Variants in BMX observed in about 807,000 individuals in gnomAD.
BMX encodes the protein BMX non-receptor tyrosine kinase.
BMX carries 31 observed loss-of-function variants against 59.2 expected under a neutral mutation model. That is an observed-to-expected ratio of 0.52 (90% CI 0.39 to 0.71). The LOEUF is 0.71. Ranked by LOEUF, BMX falls within the 30% of genes least tolerant of loss-of-function variation. The probability of loss-of-function intolerance (pLI) is 0.00; values close to 1 mark genes in which losing one functional copy is unlikely to be tolerated. For missense variants in BMX, 474 were observed against 491.7 expected (o/e 0.96, Z 0.34); for synonymous variants, 185 against 181.0 (o/e 1.02, Z -0.18).
At chrX:15,543,821 G>A (rs149454247) in intron 16 of BMX, among the ~76,000 whole-genome samples, 2 of 111,455 alleles carry the variant, frequency 1.8e-5, no homozygotes, top group South Asian at 3.7e-4. Flanking sequence ...GATTACGATC[G>A]TTTTTTTAAA....
chrX:15,549,934 G>T lies in BMX; in HGVS notation c.1890G>T (p.Arg630Ser), dbSNP rs568883721. The change falls in exon 18 of 19, where the codon AGG becomes AGT. Residue 630 changes from arginine (R) to serine (S), a missense_variant. Arg to Ser is a moderately radical substitution (Grantham distance 110, BLOSUM62 -1). Transcript: ENST00000348343. The stretch of plus-strand genomic sequence containing the variant: ...TTCTGAAGGTCTCCCAGGGCCACAG[G>T]CTTTACCGGCCCCACCTGGCATCGG... ...QVVLKVSQGHRLYRPHLASDT... is the reference protein window; with the variant it reads ...QVVLKVSQGHSLYRPHLASDT... 8.3e-7 allele frequency: 1 copy of T among 1,207,626 alleles called. No individual in the cohort carries two copies. Among genetic ancestry groups the T allele is most frequent in the East Asian group, 3.0e-5 (1 of 33,682 alleles).
intron 6 of BMX, among the ~76,000 whole-genome samples, chrX:15,520,004 G>A (rs930735643): frequency 1.8e-5 from 2 of 111,736 alleles, no homozygotes; most frequent in East Asian, 2.8e-4. Flanking sequence ...TGGAGGGGTC[G>A]AATATCCAAA....
At chrX:15,532,005 G>A (rs748397140) in intron 11 of BMX, among the ~76,000 whole-genome samples, 6 of 112,073 alleles carry the variant, frequency 5.4e-5, no homozygotes, top group Non-Finnish European at 9.4e-5. Flanking sequence ...GTGACATTGA[G>A]CAAGTTTCTC....
At chrX:15,535,817 A>T in intron 12 of BMX, among the ~76,000 whole-genome samples, 1 of 111,892 alleles carries the variant, frequency 8.9e-6, no homozygotes, top group Non-Finnish European at 1.9e-5. Flanking sequence ...AGCAAAAAAC[A>T]TATATACATA....
chrX:15,527,283 T>TAC lies in BMX; in HGVS notation c.884+1206_884+1207dup, dbSNP rs1215070031. On this transcript the variant is annotated intron_variant, in intron 9 of 18. Transcript: ENST00000348343. The stretch of plus-strand genomic sequence containing the variant: ...ATATATATATATATATATATATATA[T>TAC]ACACACACACACACACACATATATA... Among the ~76,000 whole-genome samples the TAC allele has an allele frequency of 7.3e-3, 475 of 65,502 alleles. 7 individuals are homozygous for TAC. The highest frequency in any genetic ancestry group is 9.3e-3 in the Non-Finnish European group (345 of 36,994). The allele number at this position is 65,502 out of a possible 115,157, so 56.9% of individuals were successfully genotyped here.
rs760904674 is a variant in BMX, at chrX:15,525,294, C to T, written c.759C>T (p.Ser253=). The T allele has an allele frequency of 9.1e-6, 11 of 1,206,542 alleles. No individual in the cohort carries two copies. In the Admixed American group the frequency reaches 2.4e-4, roughly 26 times the overall value. The change falls in exon 8 of 19, where the codon AGC becomes AGT. Residue 253 remains serine, a synonymous_variant. Coordinates refer to ENST00000348343, the MANE Select transcript of BMX (RefSeq NM_203281.3). ...WWQVRKLKSS[S]SSEDVASSNQ... ...AAATGTCTCTTTTTTGCAGTAGCAG[C>T]AGCAGTGAAGATGTTGCAAGCAGTA...
intron 3 of BMX, 121 bp from the exon 4 acceptor site, chrX:15,511,316 A>T: frequency 2.2e-6 from 1 of 463,534 alleles, no homozygotes; most frequent in Non-Finnish European, 3.5e-6. Flanking sequence ...CTAATTCCAG[A>T]GCTGATGTAT....
At chrX:15,555,192 C>T (rs1452140643) in intron 18 of BMX, among the ~76,000 whole-genome samples, 1 of 86,741 alleles carries the variant, frequency 1.2e-5, no homozygotes, top group African/African-American at 4.3e-5. Context: ...TAGTCTAGAA[C>T]GAGGGAAGCT....
intron 6 of BMX, among the ~76,000 whole-genome samples, chrX:15,520,906 C>T (rs7063901): frequency 0.055 from 6,080 of 110,781 alleles, 418 homozygotes; most frequent in African/African-American, 0.18. Context: ...TAACACTGTC[C>T]TGCATAATTA....
At chrX:15,525,609 C>T (rs73635814) in intron 8 of BMX, among the ~76,000 whole-genome samples, 6,125 of 111,568 alleles carry the variant, frequency 0.055, 416 homozygotes, top group African/African-American at 0.18. Context: ...ATTAGTATAC[C>T]TGACCCAGGC....
At chrX:15,510,762 TAGTA>T (rs980838111) in intron 3 of BMX, among the ~76,000 whole-genome samples, 1 of 112,131 alleles carries the variant, frequency 8.9e-6, no homozygotes, top group African/African-American at 3.2e-5. Flanking sequence ...GCCCAGCAAC[TAGTA>T]AGTGTTTAAC....
chrX:15,555,118 G>C (rs893132837), intron 18 of BMX, among the ~76,000 whole-genome samples: 2 of 109,304 alleles, frequency 1.8e-5, no homozygotes, highest in African/African-American at 6.6e-5. Context: ...TATTTTTGAG[G>C]AGATTGTATT....
intron 14 of BMX, among the ~76,000 whole-genome samples, chrX:15,541,201 G>A (rs1341165290): frequency 9.0e-6 from 1 of 111,208 alleles, no homozygotes; most frequent in Non-Finnish European, 1.9e-5. Context: ...AAACACTAAA[G>A]GACTCTTCAA....
chrX:15,531,498 C>A, intron 11 of BMX, 91 bp downstream of exon 11: 1 of 758,470 alleles, frequency 1.3e-6, no homozygotes, highest in Non-Finnish European at 2.0e-6. Flanking sequence ...AAGACATCAT[C>A]TTTAAACTCT....
In BMX at chrX:15,525,381, A is replaced by G. The variant is rs1924665101; in HGVS notation, c.830+16A>G. 1.7e-6 allele frequency: 2 copies of G among 1,181,820 alleles called. No individual in the cohort carries two copies. The highest frequency in any genetic ancestry group is 1.7e-5 in the African/African-American group (1 of 57,306). On this transcript the variant is annotated intron_variant, in intron 8 of 18. Coordinates refer to ENST00000348343, the MANE Select transcript of BMX (RefSeq NM_203281.3). ...AGATTTCATGGTAAATCAAATTCAG[A>G]TATCTCCTACATCCAGAATATGCTT...
Position 15,537,103 on chromosome X carries a change from G to A in BMX, c.1223-31G>A, listed in dbSNP as rs150430208. 9.8e-4 allele frequency: 1,185 copies of A among 1,203,725 alleles called. 17 individuals are homozygous for A. In the East Asian group the frequency reaches 0.032, roughly 32 times the overall value. ...GTTAGCCCCAAAGCTTTCTATGCTC[G>A]TCCTAAAGAATGTCCGTCTTGCCTT... On this transcript the variant is annotated intron_variant, in intron 13 of 18. Coordinates refer to ENST00000348343, the MANE Select transcript of BMX (RefSeq NM_203281.3).
chrX:15,546,703 A>C, intron 16 of BMX, 100 bp from the exon 17 acceptor site: 1 of 625,431 alleles, frequency 1.6e-6, no homozygotes, highest in East Asian at 3.5e-5. Context: ...AAGTTCCAGA[A>C]AACTGAGGCA....
chrX:15,551,567 T>C (rs748454939), intron 18 of BMX, among the ~76,000 whole-genome samples: 2 of 108,516 alleles, frequency 1.8e-5, no homozygotes, highest in East Asian at 5.7e-4. Flanking sequence ...ACAAAGCATC[T>C]ATGCACCAGG....
In BMX at chrX:15,534,337, C is replaced by G. The variant is rs749435194; in HGVS notation, c.1145C>G (p.Ala382Gly). Residue 382 changes from alanine (A) to glycine (G), a missense_variant and splice_region_variant, in exon 12 of 19, where the codon GCA becomes GGA. Ala to Gly is a moderately conservative substitution (Grantham distance 60). Transcript: ENST00000348343. The part of the protein sequence containing the change: ...KLIHYHQHNS[A>G]GMITRLRHPV... ...ATTCATTATCATCAACACAATTCAG[C>G]AGGTAACTTATTTTAGTTTTTCTTT... 1 of 1,161,306 alleles carries G rather than the reference C, an allele frequency of 8.6e-7. No individual in the cohort carries two copies. The highest frequency in any genetic ancestry group is 1.1e-6 in the Non-Finnish European group (1 of 874,038).
Sources: allele counts gnomAD v4.1 joint callset (sites outside exome capture counted in the v4.1 genomes callset), GRCh38; gene constraint gnomAD v4.1.1; transcripts MANE v1.5; gene names NCBI Gene and HGNC (gene_info 2026-07-23, HGNC 2026-07-21).